AP4M1: variants seen among roughly 807,000 people sequenced by gnomAD.
The protein encoded by AP4M1 is AP-4 complex subunit mu-1.
AP4M1 carries 58 observed loss-of-function variants against 62.4 expected under a neutral mutation model. That is an observed-to-expected ratio of 0.93 (90% CI 0.75 to 1.16). AP4M1 has a LOEUF of 1.16. Among genes scored for constraint, AP4M1 ranks in the 50% most tolerant of loss-of-function variants. The pLI is 0.00. For missense variants in AP4M1, 626 were observed against 585.4 expected (o/e 1.07, Z -0.72); for synonymous variants, 290 against 239.7 (o/e 1.21, Z -1.94).
At position 100,103,367 on chromosome 7, in the gene AP4M1, T is replaced by G. The variant is rs747151733; in HGVS notation, c.352-42T>G. 3.2e-6 allele frequency: 5 copies of G among 1,555,242 alleles called. No individual in the cohort carries two copies. In the East Asian group the frequency reaches 1.1e-4, roughly 35 times the overall value. ...GGCCCCACTCCCCCTCTTTACCCCT[T>G]CCCTCCACTGATCACTCAGACTGTC... On this transcript the variant is annotated intron_variant, in intron 4 of 14. Coordinates refer to ENST00000359593, the MANE Select transcript of AP4M1 (RefSeq NM_004722.4).
At chr7:100,100,956 T>A, upstream of AP4M1, 3 of 1,034,044 alleles carry the variant, frequency 2.9e-6, no homozygotes, top group Non-Finnish European at 3.9e-6. Context: ...CTTAAGACTC[T>A]CCTGAGGTCC....
upstream of AP4M1, chr7:100,101,475 C>A: frequency 2.4e-6 from 2 of 840,934 alleles, no homozygotes; most frequent in Non-Finnish European, 1.9e-6. Flanking sequence ...CTTCACCTCC[C>A]GCTAGCCGCA....
In AP4M1 at chr7:100,109,022, G is replaced by GA. The variant is rs1243805008; in HGVS notation, c.*2154dup. ...TGGGTGACAGAGTGAGACTGTCTCAGAAAAAAAAAAAAAAGAATGGCTGGG... is the reference window on the plus strand; with the variant it reads ...TGGGTGACAGAGTGAGACTGTCTCAGAAAAAAAAAAAAAAAGAATGGCTGGG... On this transcript the variant is annotated 3_prime_UTR_variant, in exon 15 of 15. Transcript: ENST00000359593. 2.9e-3 allele frequency: 383 copies of GA among 131,476 alleles called. No individual in the cohort carries two copies. Among genetic ancestry groups the GA allele is most frequent in the Middle Eastern group, 8.0e-3 (2 of 250 alleles). 8.1% of individuals were successfully genotyped at this position (131,476 alleles called of 1,614,324 possible). A position where few individuals can be genotyped will look rare whatever the true frequency, so the allele number is the denominator to read the frequency against.
rs1462415418 is a variant in AP4M1, at chr7:100,106,668, C to G, written c.1148C>G (p.Pro383Arg). The change falls in exon 15 of 15, where the codon CCA becomes CGA. Residue 383 changes from proline to arginine, a missense_variant. Physicochemically the swap from Pro to Arg is moderately radical, Grantham distance 103. Coordinates refer to ENST00000359593, the MANE Select transcript of AP4M1 (RefSeq NM_004722.4). ...QLSGLFQMDV[P>R]GPPGPPSHGL... ...CTCTGCCCCTCACAGATGGACGTCC[C>G]AGGGCCCCCAGGACCTCCCAGCCAT... 2.5e-6 allele frequency: 4 copies of G among 1,613,212 alleles called. No individual in the cohort carries two copies. The highest frequency in any genetic ancestry group is 3.4e-6 in the Non-Finnish European group (4 of 1,179,984).
chr7:100,103,292 C>G, intron 4 of AP4M1, 117 bp from the exon 5 acceptor site: 1 of 880,222 alleles, frequency 1.1e-6, no homozygotes, highest in Non-Finnish European at 1.9e-6. Context: ...CATTCTCCTA[C>G]GTCTCGGCCT....
At chr7:100,102,437 C>G (rs1223493549) in intron 2 of AP4M1, 2 of 587,792 alleles carry the variant, frequency 3.4e-6, no homozygotes, top group Non-Finnish European at 6.1e-6. Context: ...CAATGGGCGC[C>G]AGCAACACAC....
rs773339594 is a variant in AP4M1, at chr7:100,102,725, G to C, written c.198G>C (p.Leu66Phe). Reference protein sequence around the residue: ...FIHIRHSGLYLVVTTSENVSP... With the variant: ...FIHIRHSGLYFVVTTSENVSP... ...ACATCAGACACAGCGGCCTCTATTT[G>C]GTGGTCACAACTTCAGAAAACGTTT... Residue 66 changes from leucine (L) to phenylalanine (F), a missense_variant, in exon 3 of 15, where the codon TTG becomes TTC. Leu to Phe is a conservative substitution (Grantham distance 22). Coordinates refer to ENST00000359593, the MANE Select transcript of AP4M1 (RefSeq NM_004722.4). The C allele has an allele frequency of 1.2e-6, 2 of 1,614,070 alleles. No homozygotes were observed. Among genetic ancestry groups the C allele is most frequent in the South Asian group, 2.2e-5 (2 of 91,084 alleles).
Position 100,101,944 on chromosome 7 carries a change from AG to A in AP4M1, c.125del (p.Gly42GlufsTer39), listed in dbSNP as rs1796077496. On this transcript the variant is annotated frameshift_variant, in exon 2 of 15. Coordinates refer to ENST00000359593, the MANE Select transcript of AP4M1 (RefSeq NM_004722.4). LOFTEE classifies it high-confidence loss of function. Reference protein sequence around the residue: ...LFYRKLTGLPGDESPVVMHHH... With the variant: ...LFYRKLTGLPXDESPVVMHHH... Reference sequence around the variant, plus strand: ...TCTACCGGAAGCTGACGGGACTGCCAGGAGACGAGTCCCCGGTTGTCATGGT... The same window carrying A: ...TCTACCGGAAGCTGACGGGACTGCCAGAGACGAGTCCCCGGTTGTCATGGT... 1 of 1,613,112 alleles carries A rather than the reference AG, an allele frequency of 6.2e-7. No individual in the cohort carries two copies. Among genetic ancestry groups the A allele is most frequent in the African/African-American group, 1.3e-5 (1 of 74,944 alleles).
Position 100,105,533 on chromosome 7 carries a change from C to G in AP4M1, c.923C>G (p.Ser308Ter), listed in dbSNP as rs1131691556. 1.2e-6 allele frequency: 2 copies of G among 1,612,770 alleles called. No individual in the cohort carries two copies. The highest frequency in any genetic ancestry group is 8.5e-7 in the Non-Finnish European group (1 of 1,179,868). The change falls in exon 11 of 15, where the codon TCA becomes TGA. Residue 308 changes from serine (S) to a stop codon, truncating the protein, a stop_gained. Coordinates refer to ENST00000359593, the MANE Select transcript of AP4M1 (RefSeq NM_004722.4). LOFTEE classifies it high-confidence loss of function. ...CCCTCTGTGCAGTGGGACCGAGGCT[C>G]AGGCCGGTGAGACAATTTCCTGGGT... Reference protein sequence around the residue: ...LFPSVQWDRGSGRLQVYLKLR... With the variant: ...LFPSVQWDRG
In AP4M1 at chr7:100,103,703, G is replaced by T; in HGVS notation, c.543+11G>T. Reference sequence around the variant, plus strand: ...AGTCGCTCTGACCAGGTGAGGGAAGGATCCATGGGGTCAGACGCTCTGGTT... The same window carrying T: ...AGTCGCTCTGACCAGGTGAGGGAAGTATCCATGGGGTCAGACGCTCTGGTT... On this transcript the variant is annotated intron_variant, in intron 6 of 14. Transcript: ENST00000359593. The T allele has an allele frequency of 6.2e-7, 1 of 1,610,718 alleles. No individual in the cohort carries two copies. Among genetic ancestry groups the T allele is most frequent in the South Asian group, 1.1e-5 (1 of 90,994 alleles).
rs13309 is a variant in AP4M1, at chr7:100,107,173, A to T, written c.*291A>T. ...ATCTACAACTTCCTTCCGCTTAGCG[A>T]GCATGCATGTGTGTACGTGCACGTG... On this transcript the variant is annotated 3_prime_UTR_variant, in exon 15 of 15. Coordinates refer to ENST00000359593, the MANE Select transcript of AP4M1 (RefSeq NM_004722.4). 870,098 of 1,508,500 alleles carry T rather than the reference A, an allele frequency of 0.58. 254,267 individuals are homozygous for T. Among genetic ancestry groups the T allele is most frequent in the East Asian group, 0.87 (38,094 of 43,956 alleles). The allele number at this position is 1,508,500 out of a possible 1,614,324, so 93.4% of individuals were successfully genotyped here. A position where few individuals can be genotyped will look rare whatever the true frequency, so the allele number is the denominator to read the frequency against.
intron 6 of AP4M1, 57 bp downstream of exon 6, chr7:100,103,749 C>A (rs1263224846): frequency 1.9e-6 from 3 of 1,581,646 alleles, no homozygotes; most frequent in Non-Finnish European, 2.6e-6. Context: ...ATCCGGGAGT[C>A]CAAGATCTTA....
intron 8 of AP4M1, 36 bp from the exon 9 acceptor site, chr7:100,105,009 A>T (rs1463155903): frequency 1.2e-6 from 2 of 1,614,020 alleles, no homozygotes; most frequent in Non-Finnish European, 1.7e-6. Flanking sequence ...AAACCATGGC[A>T]TTGCTGAGCT....
intron 7 of AP4M1, among the ~76,000 whole-genome samples, chr7:100,104,564 C>T (rs1796311043): frequency 6.6e-6 from 1 of 152,026 alleles, no homozygotes; most frequent in South Asian, 2.1e-4. Context: ...GGCACAGTGG[C>T]TCATGCCTGT....
chr7:100,108,793 G>C lies in AP4M1; in HGVS notation c.*1911G>C. 1 of 348,598 alleles carries C rather than the reference G, an allele frequency of 2.9e-6. No homozygotes were observed. The highest frequency in any genetic ancestry group is 5.2e-6 in the Non-Finnish European group (1 of 191,818). 21.6% of individuals were successfully genotyped at this position (348,598 alleles called of 1,614,324 possible). The stretch of plus-strand genomic sequence containing the variant: ...ATCTTAGGCCTGTATCCCAGCACTT[G>C]GGAGGCTGAGGTGGGTGGATCACTT... On this transcript the variant is annotated 3_prime_UTR_variant, in exon 15 of 15. Transcript: ENST00000359593.
chr7:100,100,976 C>T, upstream of AP4M1: 3 of 959,914 alleles, frequency 3.1e-6, no homozygotes, highest in South Asian at 1.9e-5. Flanking sequence ...CTGGGCGCGA[C>T]TTTTCCCTGT....
rs1415921690 is a variant in AP4M1 at position 100,106,513 on chromosome 7, A to G, written c.1136A>G (p.Gln379Arg). The G allele has an allele frequency of 6.2e-7, 1 of 1,612,770 alleles. No individual in the cohort carries two copies. The highest frequency in any genetic ancestry group is 2.2e-5 in the East Asian group (1 of 44,884). The change falls in exon 14 of 15, where the codon CAG becomes CGG. Residue 379 changes from glutamine (Q) to arginine (R), a missense_variant and splice_region_variant. Gln to Arg is a conservative substitution (Grantham distance 43). Transcript: ENST00000359593. ...QGGSQLSGLFQMDVPGPPGPP... is the reference protein window; with the variant it reads ...QGGSQLSGLFRMDVPGPPGPP... ...GGCTCTCAACTCTCAGGCCTTTTCC[A>G]GGTATTCGCTGTGGACCCCCAGCCC...
At chr7:100,102,838 A>G (rs1005022375) in intron 3 of AP4M1, 26 bp from the exon 4 acceptor site, 2 of 1,613,824 alleles carry the variant, frequency 1.2e-6, no homozygotes, top group Admixed American at 1.7e-5. Context: ...AGGAGGAGAA[A>G]ATACACGCTC....
chr7:100,107,672 C>G lies in AP4M1; in HGVS notation c.*790C>G, dbSNP rs1796681037. 1 of 1,592,420 alleles carries G rather than the reference C, an allele frequency of 6.3e-7. No homozygotes were observed. Among genetic ancestry groups the G allele is most frequent in the South Asian group, 1.1e-5 (1 of 89,730 alleles). ...CGCTTGCCCTGTGCCCTCCCTGCCC[C>G]CCAGAGGCCTGGCGAGGACGCTTCA... is the stretch of plus-strand genomic sequence containing the variant. On this transcript the variant is annotated 3_prime_UTR_variant, in exon 15 of 15. Transcript: ENST00000359593.
Sources: allele counts gnomAD v4.1 joint callset (sites outside exome capture counted in the v4.1 genomes callset), GRCh38; gene constraint gnomAD v4.1.1; transcripts MANE v1.5; gene names NCBI Gene and HGNC (gene_info 2026-07-23, HGNC 2026-07-21).